The following FBN1 variants were observed in gnomAD, a reference collection of about 807,000 sequenced individuals.
FBN1 encodes the protein fibrillin 1.
FBN1 carries 29 observed loss-of-function variants against 365.1 expected under a neutral mutation model. The observed-to-expected ratio is 0.08, with a 90% CI of 0.06 to 0.11. The LOEUF (loss-of-function observed/expected upper bound fraction) is 0.11, where lower values mean the gene tolerates loss of function less well. FBN1 is among the 10% of genes least tolerant of loss of function. The pLI, the probability that FBN1 is intolerant of heterozygous loss-of-function variation, is 1.00. For synonymous variants in FBN1, 1,210 were observed against 1,270.5 expected, an observed-to-expected ratio of 0.95 and a Z score of 1.01; for missense variants, 2,476 against 3,703.2, an observed-to-expected ratio of 0.67 and a Z score of 8.60.
chr15:48,420,935 C>G (rs2042936583), intron 62 of FBN1, 129 bp from the exon 63 acceptor site: 2 of 1,036,210 alleles, frequency 1.9e-6, no homozygotes, highest in African/African-American at 1.6e-5. Context: ...TCAAGAATCT[C>G]TCTTCTGGAA....
intron 6 of FBN1, among the ~76,000 whole-genome samples, chr15:48,579,966 T>C (rs909655081): frequency 6.6e-6 from 1 of 152,122 alleles, no homozygotes; most frequent in Admixed American, 6.6e-5. Flanking sequence ...AGCTACAAAA[T>C]ATGTTTTGAA....
At chr15:48,596,434 T>C in intron 5 of FBN1, 56 bp from the exon 6 acceptor site, 2 of 1,507,326 alleles carry the variant, frequency 1.3e-6, no homozygotes, top group Non-Finnish European at 9.2e-7. Flanking sequence ...GCTAATGAAG[T>C]AACACTTGTG....
chr15:48,415,568 G>A lies in FBN1; in HGVS notation c.8019C>T (p.Gly2673=), dbSNP rs2042895981. 2 of 1,614,068 alleles carry A rather than the reference G, an allele frequency of 1.2e-6. No homozygotes were observed. The highest frequency in any genetic ancestry group is 1.7e-5 in the Admixed American group (1 of 60,002). Residue 2673 remains glycine, a synonymous_variant, in exon 64 of 66, where the codon GGC becomes GGT. Transcript: ENST00000316623. ...CSNTEGGYLC[G]CPPGYFRIGQ... Reference sequence around the variant, plus strand: ...CTATGCGGAAGTAACCAGGTGGACAGCCACACAGGTAACCGCCCTCGGTAT... The same window carrying A: ...CTATGCGGAAGTAACCAGGTGGACAACCACACAGGTAACCGCCCTCGGTAT...
At chr15:48,479,417 T>A (rs1425429128) in intron 32 of FBN1, among the ~76,000 whole-genome samples, 1 of 152,224 alleles carries the variant, frequency 6.6e-6, no homozygotes, top group African/African-American at 2.4e-5. Flanking sequence ...GTGGATTTAC[T>A]AAGAACACAA....
chr15:48,465,637 T>C lies in FBN1; in HGVS notation c.4873A>G (p.Thr1625Ala). 6.2e-7 allele frequency: 1 copy of C among 1,614,076 alleles called. No individual in the cohort carries two copies. The highest frequency in any genetic ancestry group is 8.5e-7 in the Non-Finnish European group (1 of 1,179,956). ...GLCQGGKCINTFGSFQCRCPT... is the reference protein window; with the variant it reads ...GLCQGGKCINAFGSFQCRCPT... ...CAGCGGCACTGGAAACTCCCAAAGG[T>C]GTTGATACATTTTCCTCCTTGGCAC... Residue 1625 changes from threonine to alanine, a missense_variant, in exon 40 of 66, where the codon ACC (threonine) becomes GCC (alanine). Physicochemically the swap from Thr to Ala is moderately conservative, Grantham distance 58. Around this residue, in one of 5 missense-constraint regions of FBN1, gnomAD observed 1,780 missense variants for 2,840.8 expected, o/e 0.63. Coordinates refer to ENST00000316623, the MANE Select transcript of FBN1 (RefSeq NM_000138.5).
At chr15:48,416,352 A>G (rs2042903572) in intron 63 of FBN1, among the ~76,000 whole-genome samples, 1 of 152,108 alleles carries the variant, frequency 6.6e-6, no homozygotes, top group Admixed American at 6.5e-5. Context: ...CCCCACTTGG[A>G]CTTCCTTTTC....
Position 48,469,079 on chromosome 15 carries a change from A to AAAT in FBN1, c.4460-546_4460-545insATT, listed in dbSNP as rs1555397269. Among the ~76,000 whole-genome samples, 985 of 98,788 alleles carry AAAT rather than the reference A, an allele frequency of 1.0e-2. 22 individuals are homozygous for AAAT. Among genetic ancestry groups the AAAT allele is most frequent in the African/African-American group, 0.035 (796 of 22,466 alleles). 64.8% of individuals were successfully genotyped at this position (98,788 alleles called of 152,430 possible). A position where few individuals can be genotyped will look rare whatever the true frequency, so the allele number is the denominator to read the frequency against. ...CGAGACTCCGTCTCAAAAAAAAAAA[A>AAAT]ATATATATATATATAAAATATAATA... On this transcript the variant is annotated intron_variant, in intron 36 of 65. Transcript: ENST00000316623.
chr15:48,488,337 C>T (rs1424074682), intron 26 of FBN1, 31 bp downstream of exon 26: 24 of 1,614,080 alleles, frequency 1.5e-5, no homozygotes, highest in South Asian at 3.3e-5. Flanking sequence ...AGGACGTCCC[C>T]TCTCCTGGCC....
At chr15:48,633,545 T>C (rs1890030495) in intron 2 of FBN1, among the ~76,000 whole-genome samples, 1 of 152,120 alleles carries the variant, frequency 6.6e-6, no homozygotes, top group Admixed American at 6.5e-5. Context: ...ATACCCTCAT[T>C]GACAACTACC....
At chr15:48,445,268 G>T in intron 48 of FBN1, 108 bp downstream of exon 48, 1 of 1,212,464 alleles carries the variant, frequency 8.2e-7, no homozygotes, top group South Asian at 1.2e-5. Context: ...ATTCTACTCT[G>T]ACTTTTCCTC....
chr15:48,562,055 T>C (rs1288913869), intron 6 of FBN1, among the ~76,000 whole-genome samples: 1 of 152,158 alleles, frequency 6.6e-6, no homozygotes, highest in Non-Finnish European at 1.5e-5. Context: ...ATGACGTAAG[T>C]TGTCAGTAGA....
At chr15:48,627,103 TAGAA>T (rs773203737) in intron 2 of FBN1, among the ~76,000 whole-genome samples, 24 of 152,248 alleles carry the variant, frequency 1.6e-4, no homozygotes, top group Non-Finnish European at 2.9e-4. Flanking sequence ...GATTAGAGAT[TAGAA>T]AGATGTTTCC....
rs1460547512 is a variant in FBN1, at chr15:48,434,796, TTTG to T, written c.6497-86_6497-84del. 1.6e-4 allele frequency: 246 copies of T among 1,532,178 alleles called. 1 individual carries two copies. Among genetic ancestry groups the T allele is most frequent in the East Asian group, 1.8e-4 (8 of 43,464 alleles). 94.9% of individuals were successfully genotyped at this position (1,532,178 alleles called of 1,614,324 possible). A position where few individuals can be genotyped will look rare whatever the true frequency, so the allele number is the denominator to read the frequency against. Reference sequence around the variant, plus strand: ...CTATCAGAGGATTTTAAACTGTAATTTTGTTGTTGTTGTTGTTTTGAGACAGAG... The same window carrying T: ...CTATCAGAGGATTTTAAACTGTAATTTTGTTGTTGTTGTTTTGAGACAGAG... On this transcript the variant is annotated intron_variant, in intron 53 of 65. Coordinates refer to ENST00000316623, the MANE Select transcript of FBN1 (RefSeq NM_000138.5).
Position 48,468,194 on chromosome 15 carries a change from G to A in FBN1, c.4583-92C>T, listed in dbSNP as rs2279234. The A allele has an allele frequency of 0.016, 23,827 of 1,517,144 alleles. 569 individuals are homozygous for A. Among genetic ancestry groups the A allele is most frequent in the East Asian group, 0.11 (4,684 of 43,814 alleles). 94.0% of individuals were successfully genotyped at this position (1,517,144 alleles called of 1,614,324 possible). ...CCACTTCAGGAACTGTTCAAAAACC[G>A]TAATTTACTTTTACTGAGAAACTAA... On this transcript the variant is annotated intron_variant, in intron 37 of 65. Transcript: ENST00000316623.
In FBN1 at chr15:48,468,006, G is replaced by A; in HGVS notation, c.4679C>T (p.Ala1560Val). Reference protein sequence around the residue: ...SNEIGVGVSKASCCCSLGKAW... With the variant: ...SNEIGVGVSKVSCCCSLGKAW... ...TTTACCCAGAGAACAGCAGCAGGAAGCTTTGGAAACACCAACTCCAATTTC... is the reference window on the plus strand; with the variant it reads ...TTTACCCAGAGAACAGCAGCAGGAAACTTTGGAAACACCAACTCCAATTTC... The change falls in exon 38 of 66, where the codon GCT (alanine) becomes GTT (valine). Residue 1560 changes from alanine to valine, a missense_variant. Physicochemically the swap from Ala to Val is moderately conservative, Grantham distance 64. Transcript: ENST00000316623. The A allele has an allele frequency of 1.2e-6, 2 of 1,614,150 alleles. No homozygotes were observed. Among genetic ancestry groups the A allele is most frequent in the Non-Finnish European group, 1.7e-6 (2 of 1,179,998 alleles).
chr15:48,546,475 T>C (rs1343688531), intron 6 of FBN1, among the ~76,000 whole-genome samples: 1 of 152,196 alleles, frequency 6.6e-6, no homozygotes, highest in Non-Finnish European at 1.5e-5. Flanking sequence ...ACAGTGGCTC[T>C]GGGCTGGCAG....
At chr15:48,568,003 AAG>A (rs1448868581) in intron 6 of FBN1, among the ~76,000 whole-genome samples, 1 of 88,438 alleles carries the variant, frequency 1.1e-5, no homozygotes, top group Non-Finnish European at 2.1e-5. Flanking sequence ...ACAGATAAGA[AAG>A]AAAGAAAGAA....
At chr15:48,449,869 G>C (rs2043187420) in intron 45 of FBN1, among the ~76,000 whole-genome samples, 1 of 152,136 alleles carries the variant, frequency 6.6e-6, no homozygotes, top group Non-Finnish European at 1.5e-5. Flanking sequence ...ATCATGAATG[G>C]ACACTTTTTG....
intron 4 of FBN1, among the ~76,000 whole-genome samples, chr15:48,606,368 T>G (rs1045874442): frequency 6.6e-6 from 1 of 152,152 alleles, no homozygotes; most frequent in Non-Finnish European, 1.5e-5. Context: ...CAAACAAACT[T>G]GTGGTACATC....
Sources: allele counts gnomAD v4.1 joint callset (sites outside exome capture counted in the v4.1 genomes callset), GRCh38; gene constraint gnomAD v4.1.1; regional missense constraint gnomAD v4.1.1; transcripts MANE v1.5; gene names NCBI Gene and HGNC (gene_info 2026-07-23, HGNC 2026-07-21).